The following SYNE1 variants were observed in gnomAD, a reference collection of about 807,000 sequenced individuals.
SYNE1 encodes spectrin repeat containing nuclear envelope protein 1.
A neutral mutation model predicts 1,111.0 loss-of-function variants in SYNE1; 616 were observed. That is an observed-to-expected ratio of 0.55 (90% confidence interval 0.52 to 0.59). The LOEUF (loss-of-function observed/expected upper bound fraction) is 0.59. Among genes scored for constraint, SYNE1 ranks in the 20% least tolerant of loss-of-function variants. SYNE1 has a pLI of 0.00. For synonymous variants in SYNE1, 3,855 were observed against 3,825.8 expected (o/e 1.01, Z -0.28); for missense variants, 10,006 against 10,417.0 (o/e 0.96, Z 1.72).
chr6:152,408,028 G>T (rs2097929848), intron 44 of SYNE1, among the ~76,000 whole-genome samples: 1 of 152,106 alleles, frequency 6.6e-6, no homozygotes, highest in African/African-American at 2.4e-5. Context: ...CTCCCAAAGT[G>T]CTGCGATTAC....
chr6:152,225,959 A>G, intron 115 of SYNE1, 83 bp from the exon 116 acceptor site: 1 of 1,407,030 alleles, frequency 7.1e-7, no homozygotes, highest in Non-Finnish European at 9.8e-7. Flanking sequence ...TTATAGTTTC[A>G]TGTCCTAAAA....
chr6:152,404,195 T>C lies in SYNE1; in HGVS notation c.6825+18A>G. The C allele has an allele frequency of 6.3e-7, 1 of 1,583,472 alleles. No homozygotes were observed. The highest frequency in any genetic ancestry group is 8.7e-7 in the Non-Finnish European group (1 of 1,153,124). On this transcript the variant is annotated intron_variant, in intron 46 of 145. Coordinates refer to ENST00000367255, the MANE Select transcript of SYNE1 (RefSeq NM_182961.4). ...TACAAAATGGATGGAAGTCTAGTAGTTATTACAAAATGCTTACCTGAAGGT... is the reference window on the plus strand; with the variant it reads ...TACAAAATGGATGGAAGTCTAGTAGCTATTACAAAATGCTTACCTGAAGGT...
chr6:152,155,639 A>G (rs897039403), intron 132 of SYNE1, among the ~76,000 whole-genome samples: 3 of 152,182 alleles, frequency 2.0e-5, no homozygotes, highest in Non-Finnish European at 2.9e-5. Context: ...ACATTCTGTA[A>G]TGTTATGCTT....
intron 19 of SYNE1, 141 bp downstream of exon 19, chr6:152,463,212 C>T: frequency 1.7e-6 from 2 of 1,189,050 alleles, no homozygotes; most frequent in Non-Finnish European, 2.4e-6. Flanking sequence ...AAGAACCAAC[C>T]ATAAAACACA....
chr6:152,459,587 T>G (rs2098719410), intron 21 of SYNE1, among the ~76,000 whole-genome samples: 1 of 152,214 alleles, frequency 6.6e-6, no homozygotes. Context: ...ACCTGTCACT[T>G]GTCTTGTAAA....
intron 3 of SYNE1, among the ~76,000 whole-genome samples, chr6:152,616,340 G>C (rs1162838569): frequency 6.6e-6 from 1 of 152,060 alleles, no homozygotes; most frequent in Non-Finnish European, 1.5e-5. Context: ...TTGGGAGGTT[G>C]GGCAGGAGCA....
rs374596074 is a variant in SYNE1 at position 152,330,569 on chromosome 6, C to G, written c.14116G>C (p.Val4706Leu). The change falls in exon 78 of 146, where the codon GTT becomes CTT. Residue 4706 changes from valine (V) to leucine (L), a missense_variant. This residue lies in a region of SYNE1 where 4,955 missense variants were observed against 5,017.2 expected (regional missense o/e 0.99). Transcript: ENST00000367255. The part of the protein sequence containing the change: ...RMSKVPTDLA[V>L]EEALSLQDGC... ...TCTTGCAGAGAAAGAGCCTCCTCAACGGCCAGGTCGGTGGGAACTTTGCTC... is the reference window on the plus strand; with the variant it reads ...TCTTGCAGAGAAAGAGCCTCCTCAAGGGCCAGGTCGGTGGGAACTTTGCTC... 14 of 1,613,946 alleles carry G rather than the reference C, an allele frequency of 8.7e-6. No homozygotes were observed. In the East Asian group the frequency reaches 3.1e-4, roughly 36 times the overall value.
intron 55 of SYNE1, among the ~76,000 whole-genome samples, chr6:152,383,070 T>C (rs1259440987): frequency 6.6e-6 from 1 of 152,198 alleles, no homozygotes; most frequent in Non-Finnish European, 1.5e-5. Flanking sequence ...AGGTGCTTTA[T>C]GTATTTCCTC....
At chr6:152,575,636 C>A (rs1442387984) in intron 3 of SYNE1, among the ~76,000 whole-genome samples, 7 of 152,194 alleles carry the variant, frequency 4.6e-5, no homozygotes, top group Admixed American at 4.6e-4. Context: ...CATAAATAAA[C>A]ATGATCTTTG....
intron 35 of SYNE1, 110 bp from the exon 36 acceptor site, chr6:152,430,320 G>T: frequency 8.7e-7 from 1 of 1,154,888 alleles, no homozygotes; most frequent in Non-Finnish European, 1.3e-6. Context: ...AACTTTTAAT[G>T]TAATTATAAA....
chr6:152,211,144 A>G (rs1190332065), intron 124 of SYNE1, among the ~76,000 whole-genome samples: 2 of 152,190 alleles, frequency 1.3e-5, no homozygotes, highest in Non-Finnish European at 2.9e-5. Flanking sequence ...AAATTTCTGT[A>G]ATTATATAAG....
Position 152,552,391 on chromosome 6 carries a change from G to T in SYNE1, c.68-12370C>A, listed in dbSNP as rs186067978. ...ATATTATTTCTTAGTCTCACCCTGT[G>T]ATCTAAATGTTCCTTCTCTCTCTCC... is the stretch of plus-strand genomic sequence containing the variant. On this transcript the variant is annotated intron_variant, in intron 3 of 145. Coordinates refer to ENST00000367255, the MANE Select transcript of SYNE1 (RefSeq NM_182961.4). Among the ~76,000 whole-genome samples the T allele has an allele frequency of 1.7e-4, 25 of 151,174 alleles. 1 individual carries two copies. In the East Asian group the frequency reaches 3.9e-3, roughly 23 times the overall value.
chr6:152,414,027 A>T (rs1384109012), intron 41 of SYNE1, among the ~76,000 whole-genome samples: 1 of 150,690 alleles, frequency 6.6e-6, no homozygotes, highest in Non-Finnish European at 1.5e-5. Context: ...TTTTAAACTT[A>T]AATTACCTAC....
At chr6:152,578,424 G>A (rs1017109882) in intron 3 of SYNE1, among the ~76,000 whole-genome samples, 2 of 151,980 alleles carry the variant, frequency 1.3e-5, no homozygotes, top group African/African-American at 4.8e-5. Flanking sequence ...GTGAAATCCC[G>A]TTTCCACAAA....
chr6:152,409,739 G>C, intron 42 of SYNE1, 30 bp from the exon 43 acceptor site: 1 of 1,611,268 alleles, frequency 6.2e-7, no homozygotes, highest in Non-Finnish European at 8.5e-7. Context: ...TATATTATTT[G>C]GTGTCATGTA....
intron 14 of SYNE1, chr6:152,480,925 T>C (rs528013649): frequency 5.0e-6 from 2 of 399,740 alleles, no homozygotes; most frequent in Non-Finnish European, 9.7e-6. Context: ...AGAGAGATTG[T>C]TCTAGCTGTA....
intron 5 of SYNE1, among the ~76,000 whole-genome samples, chr6:152,522,442 T>C (rs1191978176): frequency 6.6e-6 from 1 of 152,166 alleles, no homozygotes; most frequent in Non-Finnish European, 1.5e-5. Context: ...TATCACGTTT[T>C]CTTTATCCAC....
chr6:152,152,281 A>G, intron 133 of SYNE1, 140 bp from the exon 134 acceptor site: 2 of 777,890 alleles, frequency 2.6e-6, no homozygotes, highest in South Asian at 3.0e-5. Context: ...TAATAACGGT[A>G]CACTTCCCCT....
chr6:152,401,372 T>C (rs1306805661), intron 46 of SYNE1, 31 bp from the exon 47 acceptor site: 2 of 1,596,186 alleles, frequency 1.3e-6, no homozygotes, highest in Non-Finnish European at 1.7e-6. Flanking sequence ...CATCAATATC[T>C]CTGAAGACCA....
Sources: gnomAD v4.1 joint callset for allele counts (sites outside exome capture counted in the v4.1 genomes callset) on GRCh38, gnomAD v4.1.1 for gene constraint, gnomAD v4.1.1 regional missense constraint, MANE v1.5 for transcripts, NCBI Gene and HGNC (gene_info 2026-07-23, HGNC 2026-07-21) for gene names.